Variants in CCL2 observed in about 807,000 individuals in gnomAD.
CCL2 encodes C-C motif chemokine ligand 2.
In CCL2, 2 loss-of-function variants were observed where a neutral mutation model predicts 6.7. The ratio of observed to expected loss-of-function variants is 0.30; its 90% CI spans 0.12 to 0.94. CCL2 has a LOEUF of 0.94. Among genes scored for constraint, CCL2 ranks in the 40% least tolerant of loss-of-function variants. The pLI is 0.54. For synonymous variants in CCL2, 43 were observed against 45.2 expected (o/e 0.95, Z 0.19); for missense variants, 89 against 119.3 (o/e 0.75, Z 1.18).
chr17:34,255,391 A>G lies in CCL2; in HGVS notation c.42A>G (p.Ala14=). The G allele has an allele frequency of 1.9e-6, 3 of 1,613,966 alleles. No individual in the cohort carries two copies. The highest frequency in any genetic ancestry group is 2.5e-6 in the Non-Finnish European group (3 of 1,179,950). ...SAALLCLLLI[A]ATFIPQGLAQ... ...CCCTTCTGTGCCTGCTGCTCATAGC[A>G]GCCACCTTCATTCCCCAAGGGCTCG... Residue 14 remains alanine (A), a synonymous_variant, in exon 1 of 3, where the codon GCA becomes GCG. Transcript: ENST00000225831.
Position 34,257,004 on chromosome 17 carries a change from A to C in CCL2, c.*177A>C. The C allele has an allele frequency of 2.1e-6, 1 of 481,004 alleles. No homozygotes were observed. Among genetic ancestry groups the C allele is most frequent in the African/African-American group, 2.0e-5 (1 of 51,058 alleles). The allele number at this position is 481,004 out of a possible 1,614,324, so 29.8% of individuals were successfully genotyped here. A position where few individuals can be genotyped will look rare whatever the true frequency, so the allele number is the denominator to read the frequency against. On this transcript the variant is annotated 3_prime_UTR_variant, in exon 3 of 3. Coordinates refer to ENST00000225831, the MANE Select transcript of CCL2 (RefSeq NM_002982.4). ...TTTTAAGTTTATCTTTCATGGTACT[A>C]GTGTTTTTTAGATACAGAGACTTGG...
In CCL2 at chr17:34,255,364, C is replaced by G. The variant is rs1907653051; in HGVS notation, c.15C>G (p.Ala5=). 1 of 1,613,918 alleles carries G rather than the reference C, an allele frequency of 6.2e-7. No individual in the cohort carries two copies. The highest frequency in any genetic ancestry group is 1.3e-5 in the African/African-American group (1 of 75,000). MKVS[A]ALLCLLLIAA... ...TCGCCTCCAGCATGAAAGTCTCTGC[C>G]GCCCTTCTGTGCCTGCTGCTCATAG... The change falls in exon 1 of 3, where the codon GCC becomes GCG. Residue 5 remains alanine (A), a synonymous_variant. Transcript: ENST00000225831.
rs766548953 is a variant in CCL2, at chr17:34,256,758, C to T, written c.231C>T (p.Asp77=). The change falls in exon 3 of 3, where the codon GAC becomes GAT. Residue 77 remains aspartate, a synonymous_variant. Transcript: ENST00000225831. ...TTGTGGCCAAGGAGATCTGTGCTGA[C>T]CCCAAGCAGAAGTGGGTTCAGGATT... ...KTIVAKEICA[D]PKQKWVQDSM... is the part of the protein sequence containing the mutation. 1 of 1,613,906 alleles carries T rather than the reference C, an allele frequency of 6.2e-7. No individual in the cohort carries two copies. Among genetic ancestry groups the T allele is most frequent in the African/African-American group, 1.3e-5 (1 of 75,016 alleles).
chr17:34,255,802 C>T lies in CCL2; in HGVS notation c.76+377C>T, dbSNP rs181544744. 1.9e-5 allele frequency: 5 copies of T among 267,580 alleles called. No individual in the cohort carries two copies. In the South Asian group the frequency reaches 2.0e-4, roughly 11 times the overall value. The allele number at this position is 267,580 out of a possible 1,614,324, so 16.6% of individuals were successfully genotyped here. ...GTCTGTGCTTCATTCACCTTAGCTT[C>T]CAGAGACGGTGACTCTGCAGAGGTA... On this transcript the variant is annotated intron_variant, in intron 1 of 2. Transcript: ENST00000225831.
chr17:34,256,882 C>A lies in CCL2; in HGVS notation c.*55C>A. The A allele has an allele frequency of 9.3e-7, 1 of 1,070,168 alleles. No homozygotes were observed. Among genetic ancestry groups the A allele is most frequent in the Non-Finnish European group, 1.4e-6 (1 of 698,068 alleles). The allele number at this position is 1,070,168 out of a possible 1,614,324, so 66.3% of individuals were successfully genotyped here. On this transcript the variant is annotated 3_prime_UTR_variant, in exon 3 of 3. Transcript: ENST00000225831. ...GCTAACTTATTTTCCCCTAGCTTTC[C>A]CCAGACACCCTGTTTTATTTTATTA...
Position 34,256,357 on chromosome 17 carries a change from A to G in CCL2, c.194+18A>G. ...GCTGTGATGTGAGTTCAGCACACCAACCTTCCCTGGCCTGAAGTTCTTCCT... is the reference window on the plus strand; with the variant it reads ...GCTGTGATGTGAGTTCAGCACACCAGCCTTCCCTGGCCTGAAGTTCTTCCT... On this transcript the variant is annotated intron_variant, in intron 2 of 2. Transcript: ENST00000225831. 2.7e-6 allele frequency: 4 copies of G among 1,504,790 alleles called. No homozygotes were observed. The highest frequency in any genetic ancestry group is 3.7e-6 in the Non-Finnish European group (4 of 1,080,846). The allele number at this position is 1,504,790 out of a possible 1,614,324, so 93.2% of individuals were successfully genotyped here. A position where few individuals can be genotyped will look rare whatever the true frequency, so the allele number is the denominator to read the frequency against.
intron 1 of CCL2, 162 bp from the exon 2 acceptor site, chr17:34,256,060 C>T: frequency 1.7e-6 from 1 of 585,322 alleles, no homozygotes. Flanking sequence ...GGTCAAAGAT[C>T]ACATTCTAGC....
chr17:34,256,647 T>C, intron 2 of CCL2, 75 bp from the exon 3 acceptor site: 3 of 1,007,050 alleles, frequency 3.0e-6, no homozygotes, highest in East Asian at 2.4e-5. Context: ...GGCAGCCCTT[T>C]GGTGCAGAAT....
In CCL2 at chr17:34,257,116, T is replaced by C. The variant is rs532809366; in HGVS notation, c.*289T>C. ...AGAATCATTAATACAAAGAATTTTT[T>C]TTAACATTCCAATGCATTGCTAAAA... is the stretch of plus-strand genomic sequence containing the variant. On this transcript the variant is annotated 3_prime_UTR_variant, in exon 3 of 3. Transcript: ENST00000225831. 2 of 230,572 alleles carry C rather than the reference T, an allele frequency of 8.7e-6. No homozygotes were observed. Among genetic ancestry groups the C allele is most frequent in the Admixed American group, 5.5e-5 (1 of 18,290 alleles). The allele number at this position is 230,572 out of a possible 1,614,324, so 14.3% of individuals were successfully genotyped here.
intron 2 of CCL2, 69 bp downstream of exon 2, chr17:34,256,408 A>G (rs1399649152): frequency 1.9e-6 from 2 of 1,053,888 alleles, no homozygotes; most frequent in African/African-American, 1.6e-5. Context: ...AAGCCTCATA[A>G]ACCTAGAGTC....
At chr17:34,255,938 G>T in intron 1 of CCL2, 1 of 336,430 alleles carries the variant, frequency 3.0e-6, no homozygotes, top group Non-Finnish European at 5.4e-6. Flanking sequence ...CTGGATTATT[G>T]GTCCGTCTTA....
At chr17:34,255,542 G>A in intron 1 of CCL2, 117 bp downstream of exon 1, 2 of 888,300 alleles carry the variant, frequency 2.3e-6, no homozygotes, top group Admixed American at 2.3e-5. Flanking sequence ...CCAAGATAAG[G>A]TGACTCAGAA....
chr17:34,255,966 T>C (rs1907672266), intron 1 of CCL2: 1 of 397,792 alleles, frequency 2.5e-6, no homozygotes, highest in Admixed American at 4.4e-5. Context: ...TTGTAGGCAT[T>C]ATCTAGCTTT....
At position 34,255,479 on chromosome 17, in the gene CCL2, A is replaced by G. The variant is rs189570180; in HGVS notation, c.76+54A>G. Reference sequence around the variant, plus strand: ...CACATTGTCTTCTCTCTGAGTTATCATGGACCATCCAAGCAGACGTGGTAC... The same window carrying G: ...CACATTGTCTTCTCTCTGAGTTATCGTGGACCATCCAAGCAGACGTGGTAC... On this transcript the variant is annotated intron_variant, in intron 1 of 2. Transcript: ENST00000225831. The G allele has an allele frequency of 1.3e-4, 187 of 1,449,488 alleles. No homozygotes were observed. In the East Asian group the frequency reaches 3.4e-3, roughly 26 times the overall value. The allele number at this position is 1,449,488 out of a possible 1,614,324, so 89.8% of individuals were successfully genotyped here.
rs755304641 is a variant in CCL2, at chr17:34,256,767, G to A, written c.240G>A (p.Gln80=). The change falls in exon 3 of 3, where the codon CAG becomes CAA. Residue 80 remains glutamine (Q), a synonymous_variant. Coordinates refer to ENST00000225831, the MANE Select transcript of CCL2 (RefSeq NM_002982.4). Reference sequence around the variant, plus strand: ...AGGAGATCTGTGCTGACCCCAAGCAGAAGTGGGTTCAGGATTCCATGGACC... The same window carrying A: ...AGGAGATCTGTGCTGACCCCAAGCAAAAGTGGGTTCAGGATTCCATGGACC... ...VAKEICADPK[Q]KWVQDSMDHL... 1 of 1,613,928 alleles carries A rather than the reference G, an allele frequency of 6.2e-7. No individual in the cohort carries two copies. The highest frequency in any genetic ancestry group is 8.5e-7 in the Non-Finnish European group (1 of 1,179,880).
intron 1 of CCL2, chr17:34,255,680 TCC>T: frequency 2.2e-6 from 1 of 458,266 alleles, no homozygotes; most frequent in African/African-American, 2.0e-5. Flanking sequence ...GCGCAGTTAC[TCC>T]CCCAGCTGCT....
chr17:34,256,129 C>A, intron 1 of CCL2, 93 bp from the exon 2 acceptor site: 1 of 801,356 alleles, frequency 1.2e-6, no homozygotes, highest in Non-Finnish European at 2.1e-6. Context: ...TCCTGCCTGC[C>A]TTTTGCTTTT....
chr17:34,256,414 G>A, intron 2 of CCL2, 75 bp downstream of exon 2: 1 of 957,084 alleles, frequency 1.0e-6, no homozygotes, highest in Non-Finnish European at 1.7e-6. Flanking sequence ...CATAAACCTA[G>A]AGTCAGAGAG....
Position 34,256,843 on chromosome 17 carries a change from C to T in CCL2, c.*16C>T. On this transcript the variant is annotated 3_prime_UTR_variant, in exon 3 of 3. Coordinates refer to ENST00000225831, the MANE Select transcript of CCL2 (RefSeq NM_002982.4). ...GAAGACTTGAACACTCACTCCACAA[C>T]CCAAGAATCTGCAGCTAACTTATTT... The T allele has an allele frequency of 7.9e-6, 12 of 1,510,068 alleles. No individual in the cohort carries two copies. Among genetic ancestry groups the T allele is most frequent in the Non-Finnish European group, 1.1e-5 (12 of 1,087,372 alleles). 93.5% of individuals were successfully genotyped at this position (1,510,068 alleles called of 1,614,324 possible). A position where few individuals can be genotyped will look rare whatever the true frequency, so the allele number is the denominator to read the frequency against.
Sources: allele counts gnomAD v4.1 joint callset, GRCh38; gene constraint gnomAD v4.1.1; transcripts MANE v1.5; gene names NCBI Gene and HGNC (gene_info 2026-07-23, HGNC 2026-07-21).